The following CYTIP variants were observed in gnomAD, a reference collection of about 807,000 sequenced individuals.
The protein encoded by CYTIP is cytohesin 1 interacting protein.
A neutral mutation model predicts 43.8 loss-of-function variants in CYTIP; 26 were observed. The observed-to-expected ratio is 0.59, with a 90% CI of 0.44 to 0.82. The LOEUF (loss-of-function observed/expected upper bound fraction) is 0.82. Ranked by LOEUF, CYTIP falls within the 40% of genes least tolerant of loss-of-function variation. The pLI is 0.00. For synonymous variants in CYTIP, 162 were observed against 162.9 expected, an observed-to-expected ratio of 0.99 and a Z score of 0.04; for missense variants, 426 against 443.1, an observed-to-expected ratio of 0.96 and a Z score of 0.35.
rs1297535075 is a variant in CYTIP at position 157,414,816 on chromosome 2, A to T, written c.*861T>A. 1 of 152,254 alleles carries T rather than the reference A, an allele frequency of 6.6e-6. No homozygotes were observed. Among genetic ancestry groups the T allele is most frequent in the African/African-American group, 2.4e-5 (1 of 41,468 alleles). 9.4% of individuals were successfully genotyped at this position (152,254 alleles called of 1,614,324 possible). On this transcript the variant is annotated 3_prime_UTR_variant, in exon 8 of 8. Coordinates refer to ENST00000264192, the MANE Select transcript of CYTIP (RefSeq NM_004288.5). ...AAGACTGCTGAGGTGATAGCTATTT[A>T]GAATATAAGATATAAAGTGAGAAGT...
intron 6 of CYTIP, among the ~76,000 whole-genome samples, chr2:157,420,443 G>A (rs888256787): frequency 6.6e-6 from 1 of 152,094 alleles, no homozygotes; most frequent in Admixed American, 6.6e-5. Flanking sequence ...TTGAACCTGG[G>A]AGGCAGAGGT....
intron 3 of CYTIP, among the ~76,000 whole-genome samples, chr2:157,432,725 T>C (rs987616708): frequency 6.6e-6 from 1 of 152,130 alleles, no homozygotes; most frequent in Non-Finnish European, 1.5e-5. Flanking sequence ...ATCCCAAACA[T>C]GTACTCACAC....
chr2:157,424,854 G>A (rs1055100757), intron 6 of CYTIP, among the ~76,000 whole-genome samples: 9 of 152,056 alleles, frequency 5.9e-5, no homozygotes, highest in African/African-American at 7.2e-5. Flanking sequence ...ATTGACCCAC[G>A]GATCATATTA....
At position 157,444,080 on chromosome 2, in the gene CYTIP, C is replaced by T; in HGVS notation, c.-60G>A. The T allele has an allele frequency of 6.5e-7, 1 of 1,537,474 alleles. No homozygotes were observed. Among genetic ancestry groups the T allele is most frequent in the Non-Finnish European group, 8.9e-7 (1 of 1,122,744 alleles). The stretch of plus-strand genomic sequence containing the variant: ...GAGTGGCCTTGCAGGATGGGGGAAG[C>T]TAAAAGTACAACTGTGACAAGTAAT... On this transcript the variant is annotated 5_prime_UTR_variant, in exon 1 of 8. Transcript: ENST00000264192.
rs188164624 is a variant in CYTIP at position 157,443,589 on chromosome 2, T to C, written c.174+258A>G. ...TCTTCAAGTTTTTTATGCTTAATGA[T>C]GTTTATTTTACCTGAGCACTTCTTC... On this transcript the variant is annotated intron_variant, in intron 1 of 7. Transcript: ENST00000264192. Among the ~76,000 whole-genome samples, 3 of 152,282 alleles carry C rather than the reference T, an allele frequency of 2.0e-5. No homozygotes were observed. The East Asian group carries it at 5.8e-4, about 29-fold the overall frequency.
intron 1 of CYTIP, among the ~76,000 whole-genome samples, chr2:157,435,925 C>T (rs1182406341): frequency 1.3e-5 from 2 of 152,110 alleles, no homozygotes; most frequent in East Asian, 1.9e-4. Context: ...AGGAGTGAAG[C>T]CTACATCACT....
chr2:157,425,289 C>CA (rs1685584788), intron 6 of CYTIP, among the ~76,000 whole-genome samples: 1 of 152,040 alleles, frequency 6.6e-6, no homozygotes, highest in Non-Finnish European at 1.5e-5. Context: ...TACTTATCCC[C>CA]ACAGAAGGAA....
At chr2:157,424,768 T>C (rs2105136312) in intron 6 of CYTIP, among the ~76,000 whole-genome samples, 1 of 152,322 alleles carries the variant, frequency 6.6e-6, no homozygotes, top group South Asian at 2.1e-4. Context: ...ATAATTTATA[T>C]AGATGATCAA....
At chr2:157,427,248 A>G (rs1685626859) in intron 6 of CYTIP, 103 bp downstream of exon 6, 2 of 923,958 alleles carry the variant, frequency 2.2e-6, no homozygotes, top group Admixed American at 2.8e-5. Flanking sequence ...TCACCACGAC[A>G]TTTCTTTTTC....
At chr2:157,442,606 T>G (rs1685934487) in intron 1 of CYTIP, among the ~76,000 whole-genome samples, 2 of 152,226 alleles carry the variant, frequency 1.3e-5, no homozygotes, top group Admixed American at 1.3e-4. Context: ...CTCATGTTGC[T>G]TTATCTTCAG....
chr2:157,416,479 TA>T (rs1425997328), intron 7 of CYTIP, among the ~76,000 whole-genome samples: 7 of 152,208 alleles, frequency 4.6e-5, no homozygotes, highest in Non-Finnish European at 1.0e-4. Flanking sequence ...GATCATTTCT[TA>T]AATTTAAATA....
intron 6 of CYTIP, among the ~76,000 whole-genome samples, chr2:157,425,316 G>A (rs1685585082): frequency 6.6e-6 from 1 of 152,090 alleles, no homozygotes; most frequent in Admixed American, 6.6e-5. Context: ...TAGCAAGAAA[G>A]TAAGTAAACC....
At position 157,427,381 on chromosome 2, in the gene CYTIP, C is replaced by T. The variant is rs147500378; in HGVS notation, c.516G>A (p.Thr172=). The T allele has an allele frequency of 1.1e-5, 17 of 1,609,788 alleles. No individual in the cohort carries two copies. The East Asian group carries it at 1.3e-4, about 13-fold the overall frequency. ...TLNGTMILKR[T]ELEAKLQVLK... ...AAACCTGCAGCTTTGCTTCAAGCTC[C>T]GTTCTTTTCAGAATCATTGTTCCAT... is the stretch of plus-strand genomic sequence containing the variant. The change falls in exon 6 of 8, where the codon ACG becomes ACA. Residue 172 remains threonine (T), a synonymous_variant. Coordinates refer to ENST00000264192, the MANE Select transcript of CYTIP (RefSeq NM_004288.5).
intron 1 of CYTIP, among the ~76,000 whole-genome samples, chr2:157,442,078 C>G (rs1685927952): frequency 6.6e-6 from 1 of 152,194 alleles, no homozygotes; most frequent in Admixed American, 6.5e-5. Flanking sequence ...GTCCTCCAGG[C>G]ACCAGGATCT....
chr2:157,418,599 T>TTA lies in CYTIP; in HGVS notation c.547-11_547-10insTA, dbSNP rs1553471438. 8.1e-6 allele frequency: 11 copies of TTA among 1,355,148 alleles called. No homozygotes were observed. In the African/African-American group the frequency reaches 9.4e-5, roughly 12 times the overall value. The allele number at this position is 1,355,148 out of a possible 1,614,324, so 83.9% of individuals were successfully genotyped here. A position where few individuals can be genotyped will look rare whatever the true frequency, so the allele number is the denominator to read the frequency against. ...TTTGTTTCAAAGTTTGCTGTGAGAT[T>TTA]AAAAAAAAAAAAAAAAAGTTTTTAT... is the stretch of plus-strand genomic sequence containing the variant. On this transcript the variant is annotated splice_polypyrimidine_tract_variant and intron_variant, in intron 6 of 7. Transcript: ENST00000264192.
chr2:157,432,058 G>A (rs994734127), intron 3 of CYTIP, among the ~76,000 whole-genome samples: 1 of 152,150 alleles, frequency 6.6e-6, no homozygotes, highest in African/African-American at 2.4e-5. Flanking sequence ...CCTGCCAGGG[G>A]TCTTCTCAGT....
At chr2:157,437,276 C>A (rs1435516885) in intron 1 of CYTIP, among the ~76,000 whole-genome samples, 1 of 151,886 alleles carries the variant, frequency 6.6e-6, no homozygotes, top group South Asian at 2.1e-4. Context: ...GAAAAGACTA[C>A]CTGTGGAATG....
At chr2:157,424,824 A>G (rs1685578633) in intron 6 of CYTIP, among the ~76,000 whole-genome samples, 2 of 152,206 alleles carry the variant, frequency 1.3e-5, no homozygotes, top group Non-Finnish European at 2.9e-5. Flanking sequence ...GATTCATTAT[A>G]AATAGTTTGG....
chr2:157,420,325 G>T (rs1019063194), intron 6 of CYTIP, among the ~76,000 whole-genome samples: 3 of 152,144 alleles, frequency 2.0e-5, no homozygotes. Context: ...AGACCAGACT[G>T]GCCAACATGG....
Sources: gnomAD v4.1 joint callset for allele counts (sites outside exome capture counted in the v4.1 genomes callset) on GRCh38, gnomAD v4.1.1 for gene constraint, MANE v1.5 for transcripts, NCBI Gene and HGNC (gene_info 2026-07-23, HGNC 2026-07-21) for gene names.